The following KIF1A variants were observed in gnomAD, a reference collection of about 807,000 sequenced individuals.
KIF1A encodes the protein kinesin-like protein KIF1A.
Under a neutral mutation model 227.3 loss-of-function variants are expected in KIF1A, and 46 were observed. The ratio of observed to expected loss-of-function variants is 0.20; its 90% CI spans 0.16 to 0.26. The LOEUF (loss-of-function observed/expected upper bound fraction) is 0.26. KIF1A is among the 10% of genes least tolerant of loss of function. The probability of loss-of-function intolerance (pLI) is 1.00; values close to 1 mark genes in which losing one functional copy is unlikely to be tolerated. For missense variants in KIF1A, 1,683 were observed against 2,485.9 expected (o/e 0.68, Z 6.87); for synonymous variants, 1,022 against 1,012.8 (o/e 1.01, Z -0.17).
At chr2:240,807,151 T>TATATAC (rs1421176467) in intron 1 of KIF1A, among the ~76,000 whole-genome samples, 8 of 136,148 alleles carry the variant, frequency 5.9e-5, no homozygotes, top group African/African-American at 2.2e-4. Context: ...TATATATATA[T>TATATAC]ACACAGAGAG....
chr2:240,782,846 C>T (rs1197125586), intron 9 of KIF1A, among the ~76,000 whole-genome samples, 198 bp downstream of exon 9: 6 of 152,138 alleles, frequency 3.9e-5, no homozygotes, highest in East Asian at 3.9e-4. Flanking sequence ...ACTTTACAGG[C>T]GGGGAAACTG....
rs1355833786 is a variant in KIF1A, at chr2:240,788,796, C to T, written c.183+440G>A. 3.9e-5 allele frequency among the ~76,000 whole-genome samples: 6 copies of T among 152,092 alleles called. No individual in the cohort carries two copies. The highest frequency in any genetic ancestry group is 3.3e-4 in the Admixed American group (5 of 15,272). On this transcript the variant is annotated intron_variant, in intron 3 of 48. Transcript: ENST00000498729. The surrounding 1 kb of genome is among the most constrained non-coding windows in gnomAD (Gnocchi z 6.6). Reference sequence around the variant, plus strand: ...ATGAGGGGCTTAGATGAGGAGGCTGCATGCCTTCTTCTAGAAGGGTCCAGG... The same window carrying T: ...ATGAGGGGCTTAGATGAGGAGGCTGTATGCCTTCTTCTAGAAGGGTCCAGG...
In KIF1A at chr2:240,789,207, G is replaced by A. The variant is rs370047330; in HGVS notation, c.183+29C>T. 551 of 1,591,078 alleles carry A rather than the reference G, an allele frequency of 3.5e-4. No individual in the cohort carries two copies. Among genetic ancestry groups the A allele is most frequent in the Middle Eastern group, 6.7e-4 (4 of 6,010 alleles). Reference sequence around the variant, plus strand: ...ACATGGCCTATGCACTGCTGCCCCCGCCTCCCCCGACCCGGGGTCCCGGCT... The same window carrying A: ...ACATGGCCTATGCACTGCTGCCCCCACCTCCCCCGACCCGGGGTCCCGGCT... On this transcript the variant is annotated intron_variant, in intron 3 of 48. Coordinates refer to ENST00000498729, the MANE Select transcript of KIF1A (RefSeq NM_001244008.2). The surrounding 1 kb of genome is among the most constrained non-coding windows in gnomAD (Gnocchi z 4.8).
chr2:240,799,161 G>A (rs968016046), intron 1 of KIF1A, among the ~76,000 whole-genome samples: 1 of 152,214 alleles, frequency 6.6e-6, no homozygotes, highest in Non-Finnish European at 1.5e-5. Context: ...GTCTGCAGAA[G>A]GAAAGGGGGC....
rs2046017758 is a variant in KIF1A at position 240,726,482 on chromosome 2, G to C, written c.4122+344C>G. ...AAAAATTAGCCGGGCGTGGTGGCAG[G>C]CACCTGTAATCCCAGCTACTTGGGA... is the stretch of plus-strand genomic sequence containing the variant. On this transcript the variant is annotated intron_variant, in intron 39 of 48. Coordinates refer to ENST00000498729, the MANE Select transcript of KIF1A (RefSeq NM_001244008.2). This position sits in a 1 kb window ranked among gnomAD's most constrained non-coding sequence, Gnocchi z 5.2. Among the ~76,000 whole-genome samples, 1 of 152,074 alleles carries C rather than the reference G, an allele frequency of 6.6e-6. No homozygotes were observed.
At position 240,790,109 on chromosome 2, in the gene KIF1A, G is replaced by T. The variant is rs2055478929; in HGVS notation, c.107-797C>A. 1.3e-5 allele frequency among the ~76,000 whole-genome samples: 2 copies of T among 152,138 alleles called. No individual in the cohort carries two copies. The highest frequency in any genetic ancestry group is 2.9e-5 in the Non-Finnish European group (2 of 68,026). On this transcript the variant is annotated intron_variant, in intron 2 of 48. Transcript: ENST00000498729. The surrounding 1 kb of genome is among the most constrained non-coding windows in gnomAD (Gnocchi z 5.0). ...CTGCCACCTTCCATCCTTGCCCCCA[G>T]CATTTCCCAGGCCCTGGACGGGCCT... is the stretch of plus-strand genomic sequence containing the variant.
At chr2:240,748,650 TG>T in intron 28 of KIF1A, 1 of 299,562 alleles carries the variant, frequency 3.3e-6, no homozygotes, top group Non-Finnish European at 7.1e-6. Flanking sequence ...ATTGCAGCCC[TG>T]GTAAACACCC....
chr2:240,781,431 CCACACACACACACA>C (rs1207804684), intron 10 of KIF1A, among the ~76,000 whole-genome samples: 1 of 21,962 alleles, frequency 4.6e-5, no homozygotes, highest in Non-Finnish European at 8.0e-5. Flanking sequence ...ACACACAGCT[CCACACACACACACA>C]CACACACACA....
At chr2:240,735,530 AG>A (rs1273227419) in intron 38 of KIF1A, among the ~76,000 whole-genome samples, 2 of 152,088 alleles carry the variant, frequency 1.3e-5, no homozygotes, top group Admixed American at 6.5e-5. Flanking sequence ...GCCTGGGCTG[AG>A]GGGGGTCAGA....
intron 10 of KIF1A, among the ~76,000 whole-genome samples, chr2:240,776,315 C>G (rs1455396710): frequency 6.6e-6 from 1 of 152,234 alleles, no homozygotes; most frequent in Non-Finnish European, 1.5e-5. Flanking sequence ...TCAGCGACTC[C>G]TGACCCAAGG....
chr2:240,734,692 G>A (rs2047120809), intron 38 of KIF1A: 1 of 1,303,346 alleles, frequency 7.7e-7, no homozygotes, highest in Non-Finnish European at 1.0e-6. Flanking sequence ...ATGAAACCAA[G>A]GGTAAACCAA....
At chr2:240,779,082 ACACTCAGTTCCTCACTCACTTCCT>A (rs2053179429) in intron 10 of KIF1A, among the ~76,000 whole-genome samples, 5 of 145,392 alleles carry the variant, frequency 3.4e-5, no homozygotes, top group East Asian at 2.0e-4. Context: ...TCACAGTTCC[ACACTCAGTTCCTCACTCACTTCCT>A]CACTCAGTTC....
At chr2:240,719,260 T>C in intron 46 of KIF1A, 62 bp from the exon 47 acceptor site, 2 of 1,530,724 alleles carry the variant, frequency 1.3e-6, no homozygotes, top group South Asian at 2.4e-5. Flanking sequence ...ACTCGGGCAC[T>C]CACCATCTAC....
intron 33 of KIF1A, 89 bp from the exon 34 acceptor site, chr2:240,743,073 C>T: frequency 9.9e-7 from 1 of 1,009,302 alleles, no homozygotes; most frequent in Non-Finnish European, 1.4e-6. Flanking sequence ...CCCCAGGTGC[C>T]CATCCCGGCC....
intron 1 of KIF1A, among the ~76,000 whole-genome samples, chr2:240,819,788 C>T (rs2058598060): frequency 1.3e-5 from 2 of 152,212 alleles, no homozygotes; most frequent in Admixed American, 1.3e-4. Flanking sequence ...TATCCCGATC[C>T]CGCCGGCCGG....
At chr2:240,807,717 G>GA (rs2057547304) in intron 1 of KIF1A, among the ~76,000 whole-genome samples, 1 of 151,976 alleles carries the variant, frequency 6.6e-6, no homozygotes, top group African/African-American at 2.4e-5. Flanking sequence ...AAGTAAACAA[G>GA]AAAAAATTGA....
rs575222271 is a variant in KIF1A, at chr2:240,773,127, G to A, written c.1167C>T (p.Gly389=). 2.8e-5 allele frequency: 45 copies of A among 1,612,880 alleles called. No homozygotes were observed. The South Asian group carries it at 3.5e-4, about 13-fold the overall frequency. The change falls in exon 13 of 49, where the codon GGC becomes GGT. Residue 389 remains glycine, a synonymous_variant. Coordinates refer to ENST00000498729, the MANE Select transcript of KIF1A (RefSeq NM_001244008.2). ...LRDLLYAQGL[G]DITDTNTVPG... ...GCAGGCACTCACTGTCAGTGATGTC[G>A]CCAAGACCCTGGGCGTACAGAAGGT...
chr2:240,791,992 G>T (rs1294464940), intron 2 of KIF1A, among the ~76,000 whole-genome samples: 2 of 148,380 alleles, frequency 1.3e-5, no homozygotes, highest in African/African-American at 2.5e-5. Flanking sequence ...GCCATGTATT[G>T]TGTCTGGGAG....
intron 14 of KIF1A, among the ~76,000 whole-genome samples, chr2:240,772,189 T>G (rs144499424): frequency 1.3e-3 from 195 of 152,264 alleles, no homozygotes; most frequent in African/African-American, 4.5e-3. Flanking sequence ...GGACAGTCCC[T>G]CCAGCCCTCC....
Sources: gnomAD v4.1 joint callset for allele counts (sites outside exome capture counted in the v4.1 genomes callset) on GRCh38, gnomAD v4.1.1 for gene constraint, Gnocchi (gnomAD v3.1) non-coding constraint, MANE v1.5 for transcripts, NCBI Gene and HGNC (gene_info 2026-07-23, HGNC 2026-07-21) for gene names.